RFC3: variants seen among roughly 807,000 people sequenced by gnomAD.
RFC3 encodes replication factor C subunit 3.
RFC3 carries 41 observed loss-of-function variants against 45.1 expected under a neutral mutation model. The ratio of observed to expected loss-of-function variants is 0.91; its 90% confidence interval spans 0.71 to 1.18. The LOEUF is 1.18. Among genes scored for constraint, RFC3 ranks in the 50% most tolerant of loss-of-function variants. The pLI, the probability that RFC3 is intolerant of heterozygous loss-of-function variation, is 0.00. For synonymous variants in RFC3, 149 were observed against 144.0 expected, an observed-to-expected ratio of 1.03 and a Z score of -0.25; for missense variants, 423 against 428.1, an observed-to-expected ratio of 0.99 and a Z score of 0.10.
At chr13:33,872,096 C>T (rs1032809300) in intron 8 of RFC3, among the ~76,000 whole-genome samples, 3 of 152,036 alleles carry the variant, frequency 2.0e-5, no homozygotes, top group Non-Finnish European at 4.4e-5. Flanking sequence ...AGAACTCTTG[C>T]CTAATATCTA....
At chr13:33,847,768 A>G (rs1230869432) in intron 8 of RFC3, 2 of 152,196 alleles carry the variant, frequency 1.3e-5, no homozygotes, top group African/African-American at 4.8e-5. Context: ...GGATGTATGT[A>G]TGTGTGCATC....
chr13:33,955,122 A>G (rs559971634), intron 8 of RFC3, among the ~76,000 whole-genome samples: 30 of 152,310 alleles, frequency 2.0e-4, no homozygotes, highest in African/African-American at 7.2e-4. Context: ...AAATGGTTTC[A>G]GAAAGAATGA....
At chr13:33,955,332 G>A (rs2083015513) in intron 8 of RFC3, among the ~76,000 whole-genome samples, 1 of 152,150 alleles carries the variant, frequency 6.6e-6, no homozygotes, top group South Asian at 2.1e-4. Flanking sequence ...GCTTAACAAC[G>A]ATATTTGTGG....
chr13:33,873,736 G>A (rs1288237290), intron 8 of RFC3, among the ~76,000 whole-genome samples: 1 of 152,164 alleles, frequency 6.6e-6, no homozygotes, highest in Non-Finnish European at 1.5e-5. Context: ...GGCCCCTGTT[G>A]TTGATGATGA....
intron 3 of RFC3, among the ~76,000 whole-genome samples, chr13:33,824,918 A>T (rs936157432): frequency 6.6e-6 from 1 of 152,176 alleles, no homozygotes; most frequent in Non-Finnish European, 1.5e-5. Flanking sequence ...CAAATGGAGA[A>T]TGTTTTGGAT....
At chr13:33,918,042 G>T (rs771597300) in intron 8 of RFC3, among the ~76,000 whole-genome samples, 2 of 152,102 alleles carry the variant, frequency 1.3e-5, no homozygotes, top group Non-Finnish European at 2.9e-5. Flanking sequence ...CTCTACAGGG[G>T]TTCCTATTAC....
chr13:33,876,127 T>C lies in RFC3; in HGVS notation c.879+40910T>C, dbSNP rs1411302591. Among the ~76,000 whole-genome samples, 6 of 152,176 alleles carry C rather than the reference T, an allele frequency of 3.9e-5. No individual in the cohort carries two copies. In the East Asian group the frequency reaches 1.2e-3, roughly 29 times the overall value. On this transcript the variant is annotated intron_variant, in intron 8 of 8. Transcript: ENST00000434425. ...ACAGGGACCTTATTTTATTGTATTA[T>C]TTCAGTTCCCACTCCTACCACCATG...
chr13:33,885,217 C>T (rs897298886), intron 8 of RFC3, among the ~76,000 whole-genome samples: 1 of 152,086 alleles, frequency 6.6e-6, no homozygotes, highest in African/African-American at 2.4e-5. Flanking sequence ...CATGGTATCA[C>T]ATTATATTAT....
At chr13:33,883,727 G>A (rs1407460808) in intron 8 of RFC3, among the ~76,000 whole-genome samples, 3 of 152,126 alleles carry the variant, frequency 2.0e-5, no homozygotes, top group African/African-American at 7.2e-5. Flanking sequence ...AAAAAGTTAT[G>A]TTTAAAAAAG....
chr13:33,884,240 G>A (rs548774237), intron 8 of RFC3, among the ~76,000 whole-genome samples: 3 of 152,278 alleles, frequency 2.0e-5, no homozygotes, highest in South Asian at 2.1e-4. Context: ...CTTTAGATGC[G>A]TGCTATAGAG....
chr13:33,847,975 T>G (rs1015487670), intron 8 of RFC3: 6 of 152,250 alleles, frequency 3.9e-5, no homozygotes, highest in Admixed American at 3.3e-4. Flanking sequence ...TATAGCTTTA[T>G]TCTCGACTCT....
rs151006300 is a variant in RFC3, at chr13:33,907,964, A to T, written c.880-58123A>T. Among the ~76,000 whole-genome samples, 921 of 152,048 alleles carry T rather than the reference A, an allele frequency of 6.1e-3. 8 individuals carry two copies. The highest frequency in any genetic ancestry group is 0.021 in the African/African-American group (864 of 41,504). Reference sequence around the variant, plus strand: ...TTTCTTTTTTTTTCATAGGATATACATGTTATATGTCACCTCTCCCTGAGA... The same window carrying T: ...TTTCTTTTTTTTTCATAGGATATACTTGTTATATGTCACCTCTCCCTGAGA... On this transcript the variant is annotated intron_variant, in intron 8 of 8. Coordinates refer to the RFC3 transcript ENST00000434425.
At chr13:33,863,872 C>G (rs778481247) in intron 8 of RFC3, among the ~76,000 whole-genome samples, 40 of 152,294 alleles carry the variant, frequency 2.6e-4, no homozygotes, top group Non-Finnish European at 4.3e-4. Flanking sequence ...ACATCTCTCC[C>G]GAGGTTTTTG....
chr13:33,900,374 A>G (rs573565535), intron 8 of RFC3, among the ~76,000 whole-genome samples: 2 of 152,122 alleles, frequency 1.3e-5, no homozygotes, highest in African/African-American at 2.4e-5. Context: ...ACATAAATAC[A>G]TGCATTTATA....
intron 8 of RFC3, among the ~76,000 whole-genome samples, chr13:33,864,178 C>G (rs141975523): frequency 2.6e-5 from 4 of 152,086 alleles, no homozygotes; most frequent in Non-Finnish European, 2.9e-5. Flanking sequence ...CCTGTGAACT[C>G]GTAGAATGAT....
intron 8 of RFC3, among the ~76,000 whole-genome samples, chr13:33,929,839 T>C (rs1183862668): frequency 1.3e-5 from 2 of 152,116 alleles, no homozygotes; most frequent in African/African-American, 2.4e-5. Flanking sequence ...AAAGTTAAGG[T>C]AAACATTTTT....
At chr13:33,943,747 G>C (rs980722405) in intron 8 of RFC3, among the ~76,000 whole-genome samples, 2 of 152,154 alleles carry the variant, frequency 1.3e-5, no homozygotes, top group Non-Finnish European at 2.9e-5. Context: ...TGGGGGGCTT[G>C]CTTCTTTTTT....
chr13:33,887,096 C>T (rs1428110021), intron 8 of RFC3, among the ~76,000 whole-genome samples: 11 of 144,920 alleles, frequency 7.6e-5, no homozygotes, highest in Admixed American at 3.4e-4. Context: ...AATAAACATA[C>T]GTGTGCATGT....
intron 8 of RFC3, among the ~76,000 whole-genome samples, chr13:33,957,739 T>A (rs1353658888): frequency 6.6e-6 from 1 of 152,128 alleles, no homozygotes; most frequent in East Asian, 1.9e-4. Context: ...CAGAACCCAA[T>A]GTAGTCAAAC....
Sources: allele counts gnomAD v4.1 joint callset (sites outside exome capture counted in the v4.1 genomes callset), GRCh38; gene constraint gnomAD v4.1.1; transcripts MANE v1.5; gene names NCBI Gene and HGNC (gene_info 2026-07-23, HGNC 2026-07-21).